SLCO1B3: variants seen among roughly 807,000 people sequenced by gnomAD.
The protein encoded by SLCO1B3 is liver-specific organic anion transporter 2.
SLCO1B3 carries 72 observed loss-of-function variants against 71.8 expected under a neutral mutation model. The ratio of observed to expected loss-of-function variants is 1.00; its 90% CI spans 0.83 to 1.22. The LOEUF is 1.22. Ranked by LOEUF, SLCO1B3 falls within the 50% of genes most tolerant of loss-of-function variation. The pLI, the probability that SLCO1B3 is intolerant of heterozygous loss-of-function variation, is 0.00. For missense variants in SLCO1B3, 911 were observed against 819.7 expected, an observed-to-expected ratio of 1.11 and a Z score of -1.36; for synonymous variants, 298 against 278.4, an observed-to-expected ratio of 1.07 and a Z score of -0.70.
chr12:20,827,540 A>G (rs1049166861), intron 3 of SLCO1B3, among the ~76,000 whole-genome samples: 10 of 150,978 alleles, frequency 6.6e-5, no homozygotes, highest in African/African-American at 2.4e-4. Flanking sequence ...GATATTTTAG[A>G]CTTCCAATTT....
intron 11 of SLCO1B3, 34 bp from the exon 12 acceptor site, chr12:20,880,821 C>A (rs1565600473): frequency 6.1e-6 from 9 of 1,467,402 alleles, no homozygotes; most frequent in Non-Finnish European, 8.4e-6. Context: ...TCCTCTTTCT[C>A]TTTTTTTGAT....
intron 8 of SLCO1B3, among the ~76,000 whole-genome samples, chr12:20,868,021 T>A (rs940417462): frequency 1.3e-5 from 2 of 152,170 alleles, no homozygotes; most frequent in African/African-American, 4.8e-5. Context: ...ATGACCCACT[T>A]CCACTTAATG....
At chr12:20,912,118 A>G (rs1866390551) in intron 15 of SLCO1B3, among the ~76,000 whole-genome samples, 1 of 151,926 alleles carries the variant, frequency 6.6e-6, no homozygotes, top group Non-Finnish European at 1.5e-5. Context: ...AAATATTTTT[A>G]AATTTCTCAT....
At chr12:20,905,516 GT>G (rs1282232196) in intron 15 of SLCO1B3, among the ~76,000 whole-genome samples, 3 of 152,116 alleles carry the variant, frequency 2.0e-5, no homozygotes, top group African/African-American at 7.2e-5. Flanking sequence ...AAACAGCCAG[GT>G]CACATCTTGA....
At position 20,815,832 on chromosome 12, in the gene SLCO1B3, G is replaced by A. The variant is rs549294341; in HGVS notation, c.84+10G>A. On this transcript the variant is annotated intron_variant, in intron 3 of 15. Transcript: ENST00000381545. ...CTGCAATGGATTCAAGGTAGAATGG[G>A]TTTTATATTTTCAAACTAAAATAAG... 5 of 1,533,116 alleles carry A rather than the reference G, an allele frequency of 3.3e-6. 1 individual carries two copies. In the East Asian group the frequency reaches 1.1e-4, roughly 35 times the overall value. The allele number at this position is 1,533,116 out of a possible 1,614,324, so 95.0% of individuals were successfully genotyped here.
At chr12:20,894,383 G>C (rs1865961552) in intron 13 of SLCO1B3, among the ~76,000 whole-genome samples, 1 of 151,988 alleles carries the variant, frequency 6.6e-6, no homozygotes, top group African/African-American at 2.4e-5. Context: ...GTAGGGGTGA[G>C]TGTGTGTGAT....
intron 3 of SLCO1B3, among the ~76,000 whole-genome samples, chr12:20,824,920 G>T (rs1423982758): frequency 3.3e-5 from 5 of 152,008 alleles, no homozygotes; most frequent in Non-Finnish European, 7.4e-5. Context: ...CATTGTAAAA[G>T]AAATCATTCA....
intron 2 of SLCO1B3, among the ~76,000 whole-genome samples, chr12:20,814,945 A>T (rs1168568890): frequency 1.3e-5 from 2 of 148,534 alleles, no homozygotes; most frequent in Middle Eastern, 3.5e-3. Context: ...AAGGGGACAA[A>T]GGTTATAAGC....
At chr12:20,849,998 G>A (rs1051874650) in intron 3 of SLCO1B3, among the ~76,000 whole-genome samples, 1 of 146,316 alleles carries the variant, frequency 6.8e-6, no homozygotes, top group Non-Finnish European at 1.5e-5. Context: ...TTTCTCTGCA[G>A]ATTTACCGCA....
At chr12:20,893,204 G>C (rs1042759193) in intron 13 of SLCO1B3, among the ~76,000 whole-genome samples, 1 of 152,116 alleles carries the variant, frequency 6.6e-6, no homozygotes, top group Non-Finnish European at 1.5e-5. Context: ...GGGTACTGAT[G>C]AACTGACTGT....
intron 8 of SLCO1B3, among the ~76,000 whole-genome samples, chr12:20,869,251 C>T (rs924323038): frequency 3.9e-5 from 6 of 152,168 alleles, no homozygotes; most frequent in South Asian, 2.1e-4. Context: ...CAGACACTGG[C>T]GTCACTGCTA....
chr12:20,820,633 C>T (rs1205726171), intron 3 of SLCO1B3, among the ~76,000 whole-genome samples: 1 of 152,060 alleles, frequency 6.6e-6, no homozygotes, highest in Non-Finnish European at 1.5e-5. Flanking sequence ...TAATTAAGTC[C>T]TGTTATGGGG....
intron 3 of SLCO1B3, among the ~76,000 whole-genome samples, chr12:20,846,809 C>T (rs1864929380): frequency 1.1e-5 from 1 of 92,876 alleles, no homozygotes; most frequent in Non-Finnish European, 2.8e-5. Context: ...AAGCTTAGAA[C>T]TGTCTTCTGA....
At chr12:20,868,123 C>G (rs1181373478) in intron 8 of SLCO1B3, among the ~76,000 whole-genome samples, 1 of 152,160 alleles carries the variant, frequency 6.6e-6, no homozygotes, top group Non-Finnish European at 1.5e-5. Context: ...ATACAGCATG[C>G]AAAATATATG....
intron 13 of SLCO1B3, among the ~76,000 whole-genome samples, chr12:20,889,770 C>T (rs965454865): frequency 9.9e-5 from 15 of 152,018 alleles, no homozygotes; most frequent in South Asian, 4.1e-4. Flanking sequence ...TTCTGTGAGA[C>T]GTGACATTAG....
intron 3 of SLCO1B3, among the ~76,000 whole-genome samples, chr12:20,834,033 G>T (rs1565582316): frequency 7.0e-6 from 1 of 142,986 alleles, no homozygotes; most frequent in African/African-American, 2.5e-5. Context: ...ATTTATATAT[G>T]TATTTATATA....
chr12:20,901,630 T>C (rs1866136186), intron 15 of SLCO1B3, among the ~76,000 whole-genome samples, 163 bp downstream of exon 15: 1 of 152,232 alleles, frequency 6.6e-6, no homozygotes, highest in Admixed American at 6.5e-5. Flanking sequence ...TATCTCATTT[T>C]AATACTCATA....
At chr12:20,832,255 T>C (rs568147992) in intron 3 of SLCO1B3, among the ~76,000 whole-genome samples, 1 of 152,172 alleles carries the variant, frequency 6.6e-6, no homozygotes, top group Non-Finnish European at 1.5e-5. Context: ...ATATACAGAC[T>C]CAGTGGATGG....
chr12:20,895,122 G>A (rs1219878040), intron 13 of SLCO1B3, among the ~76,000 whole-genome samples: 2 of 152,186 alleles, frequency 1.3e-5, no homozygotes, highest in Non-Finnish European at 2.9e-5. Flanking sequence ...CAACACGTGG[G>A]AATTATGTGA....
Sources: allele counts gnomAD v4.1 joint callset (sites outside exome capture counted in the v4.1 genomes callset), GRCh38; gene constraint gnomAD v4.1.1; transcripts MANE v1.5; gene names NCBI Gene and HGNC (gene_info 2026-07-23, HGNC 2026-07-21).